RPGR: variants seen among roughly 807,000 people sequenced by gnomAD.
RPGR encodes the protein X-linked retinitis pigmentosa GTPase regulator.
Under a neutral mutation model 56.3 loss-of-function variants are expected in RPGR, and 10 were observed. The ratio of observed to expected loss-of-function variants is 0.18; its 90% CI spans 0.11 to 0.30. RPGR has a LOEUF of 0.30. RPGR is among the 10% of genes least tolerant of loss of function. RPGR has a pLI of 1.00. For missense variants in RPGR, 538 were observed against 590.9 expected, an observed-to-expected ratio of 0.91 and a Z score of 0.93; for synonymous variants, 197 against 212.9, an observed-to-expected ratio of 0.93 and a Z score of 0.65.
At position 38,301,339 on chromosome X, in the gene RPGR, G is replaced by A. The variant is rs757712647; in HGVS notation, c.967C>T (p.Arg323Cys). 31 of 1,204,368 alleles carry A rather than the reference G, an allele frequency of 2.6e-5. No individual in the cohort carries two copies. The highest frequency in any genetic ancestry group is 3.1e-5 in the Non-Finnish European group (28 of 890,562). The change falls in exon 9 of 19, where the codon CGC (arginine) becomes TGC (cysteine). Residue 323 changes from arginine (R) to cysteine (C), a missense_variant. Arg to Cys is a radical substitution (Grantham distance 180). Transcript: ENST00000642395. ...AGTCCAAGTCCTAATTTTCCGTGGCGACCATCTCCAAAAGTATACATAAGG... is the reference window on the plus strand; with the variant it reads ...AGTCCAAGTCCTAATTTTCCGTGGCAACCATCTCCAAAAGTATACATAAGG...
At chrX:38,303,627 T>C (rs2067543181) in intron 8 of RPGR, 4 of 283,324 alleles carry the variant, frequency 1.4e-5, no homozygotes, top group Middle Eastern at 9.3e-4. Flanking sequence ...CTTTTCATAT[T>C]CTATATAATG....
At chrX:38,323,336 C>G in intron 2 of RPGR, 63 bp downstream of exon 2, 5 of 1,006,525 alleles carry the variant, frequency 5.0e-6, no homozygotes, top group Non-Finnish European at 6.9e-6. Flanking sequence ...AGCAGCATAT[C>G]TATAACAAAA....
At chrX:38,323,583 T>C in intron 1 of RPGR, 59 bp from the exon 2 acceptor site, 1 of 1,165,779 alleles carries the variant, frequency 8.6e-7, no homozygotes, top group Non-Finnish European at 1.2e-6. Flanking sequence ...GTTATTAAAA[T>C]AACTTTTGAG....
chrX:38,285,779 C>T lies in RPGR; in HGVS notation c.1905+1315G>A, dbSNP rs1259306034. On this transcript the variant is annotated intron_variant, in intron 15 of 18. Coordinates refer to ENST00000642395, the MANE Select transcript of RPGR (RefSeq NM_000328.3). ...CCATCCTGCCTTTCATTCTCTTCTT[C>T]GCCTGTCTCCTGATACTTCCCCTCT... is the stretch of plus-strand genomic sequence containing the variant. The T allele has an allele frequency of 5.0e-6, 6 of 1,210,704 alleles. No homozygotes were observed. The East Asian group carries it at 8.9e-5, about 18-fold the overall frequency.
At chrX:38,293,241 T>C (rs1165628658) in intron 11 of RPGR, among the ~76,000 whole-genome samples, 1 of 111,232 alleles carries the variant, frequency 9.0e-6, no homozygotes, top group African/African-American at 3.3e-5. Flanking sequence ...ATGGTCTCTG[T>C]CCTAACTAAC....
At chrX:38,276,552 C>A (rs1411762702) in intron 16 of RPGR, 2 of 1,191,554 alleles carry the variant, frequency 1.7e-6, no homozygotes, top group South Asian at 3.5e-5. Context: ...ATGTTTTCTC[C>A]CAGGATCTCA....
chrX:38,304,556 C>T, intron 8 of RPGR, 79 bp downstream of exon 8: 1 of 799,291 alleles, frequency 1.3e-6, no homozygotes, highest in South Asian at 2.4e-5. Context: ...AAGTTAGATA[C>T]ATTCATTTCA....
chrX:38,300,745 G>A (rs182100435), intron 9 of RPGR, among the ~76,000 whole-genome samples: 127 of 111,429 alleles, frequency 1.1e-3, no homozygotes, highest in Non-Finnish European at 1.6e-3. Flanking sequence ...ATGTTGGCCA[G>A]GCTGTTCTTA....
intron 1 of RPGR, among the ~76,000 whole-genome samples, chrX:38,324,043 G>A (rs1408864201): frequency 8.9e-6 from 1 of 111,888 alleles, no homozygotes; most frequent in Non-Finnish European, 1.9e-5. Context: ...GGAACCTCCA[G>A]TGTTCTCATG....
intron 15 of RPGR, among the ~76,000 whole-genome samples, chrX:38,282,310 ATC>A (rs1446744873): frequency 9.1e-6 from 1 of 109,872 alleles, no homozygotes; most frequent in East Asian, 2.9e-4. Flanking sequence ...CTTGGGTGGT[ATC>A]TCTCTTTCCT....
intron 17 of RPGR, among the ~76,000 whole-genome samples, chrX:38,274,745 G>A (rs933891074): frequency 1.8e-5 from 2 of 111,949 alleles, no homozygotes; most frequent in Admixed American, 9.4e-5. Context: ...AACCTGGGAG[G>A]TGGAGATTGC....
intron 3 of RPGR, among the ~76,000 whole-genome samples, chrX:38,322,399 T>G (rs1016069738): frequency 2.7e-5 from 3 of 112,214 alleles, no homozygotes; most frequent in African/African-American, 9.7e-5. Context: ...GTCTCGATGT[T>G]TCGTTTACTT....
At chrX:38,313,965 G>A (rs1457692476) in intron 6 of RPGR, among the ~76,000 whole-genome samples, 1 of 111,434 alleles carries the variant, frequency 9.0e-6, no homozygotes. Flanking sequence ...ATAAAGCAGG[G>A]GTGTCCAATC....
intron 14 of RPGR, 190 bp from the exon 15 acceptor site, chrX:38,287,435 T>C: frequency 1.5e-6 from 1 of 665,198 alleles, no homozygotes; most frequent in Non-Finnish European, 2.4e-6. Flanking sequence ...CCATCAGCTA[T>C]ACCCTGTTGA....
At chrX:38,299,861 T>A (rs1247556114) in intron 9 of RPGR, among the ~76,000 whole-genome samples, 1 of 111,923 alleles carries the variant, frequency 8.9e-6, no homozygotes, top group Non-Finnish European at 1.9e-5. Context: ...ATATCCCTTT[T>A]AAAAATTATA....
chrX:38,270,827 A>G (rs924264418), intron 18 of RPGR, among the ~76,000 whole-genome samples: 6 of 110,409 alleles, frequency 5.4e-5, no homozygotes, highest in Non-Finnish European at 1.1e-4. Context: ...GAATATAAGA[A>G]AAGAGGCAAA....
At chrX:38,280,280 C>T (rs779146297) in intron 15 of RPGR, among the ~76,000 whole-genome samples, 3 of 111,675 alleles carry the variant, frequency 2.7e-5, no homozygotes, top group South Asian at 3.8e-4. Flanking sequence ...TGAGGACTGT[C>T]GAAAAACAGT....
At chrX:38,321,547 G>A (rs73192568) in intron 3 of RPGR, among the ~76,000 whole-genome samples, 2 of 109,224 alleles carry the variant, frequency 1.8e-5, no homozygotes, top group Non-Finnish European at 3.8e-5. Context: ...GCAGCTATTC[G>A]GGGAGGGGGT....
intron 15 of RPGR, among the ~76,000 whole-genome samples, chrX:38,280,140 T>C (rs371062481): frequency 2.7e-5 from 3 of 111,319 alleles, no homozygotes; most frequent in East Asian, 5.6e-4. Flanking sequence ...CTCAGAGGGT[T>C]TGTGTAAAGA....
Sources: gnomAD v4.1 joint callset for allele counts (sites outside exome capture counted in the v4.1 genomes callset) on GRCh38, gnomAD v4.1.1 for gene constraint, MANE v1.5 for transcripts, NCBI Gene and HGNC (gene_info 2026-07-23, HGNC 2026-07-21) for gene names.